C9orf43: variants seen among roughly 807,000 people sequenced by gnomAD.
The protein encoded by C9orf43 is uncharacterized protein C9orf43.
In C9orf43, 45 loss-of-function variants were observed where a neutral mutation model predicts 59.1. That is an observed-to-expected ratio of 0.76 (90% CI 0.60 to 0.98). The LOEUF is 0.98. Ranked by LOEUF, C9orf43 falls within the 50% of genes least tolerant of loss-of-function variation. The probability of loss-of-function intolerance (pLI) is 0.00; values close to 1 mark genes in which losing one functional copy is unlikely to be tolerated. For synonymous variants in C9orf43, 203 were observed against 196.8 expected (o/e 1.03, Z -0.26); for missense variants, 533 against 554.9 (o/e 0.96, Z 0.40).
intron 5 of C9orf43, among the ~76,000 whole-genome samples, chr9:113,422,071 A>G (rs1290865540): frequency 6.6e-6 from 1 of 152,138 alleles, no homozygotes; most frequent in Non-Finnish European, 1.5e-5. Flanking sequence ...AGATCCAGCT[A>G]TCATATCCAC....
Sources: gnomAD v4.1 joint callset for allele counts (sites outside exome capture counted in the v4.1 genomes callset) on GRCh38, gnomAD v4.1.1 for gene constraint, MANE v1.5 for transcripts, NCBI Gene and HGNC (gene_info 2026-07-23, HGNC 2026-07-21) for gene names.